Variants in RABGAP1L observed in about 807,000 individuals in gnomAD.
The protein encoded by RABGAP1L is RAB GTPase activating protein 1 like.
Under a neutral mutation model 137.7 loss-of-function variants are expected in RABGAP1L, and 63 were observed. The ratio of observed to expected loss-of-function variants is 0.46; its 90% CI spans 0.37 to 0.56. The LOEUF is 0.56. Among genes scored for constraint, RABGAP1L ranks in the 20% least tolerant of loss-of-function variants. The pLI, the probability that RABGAP1L is intolerant of heterozygous loss-of-function variation, is 0.00. For synonymous variants in RABGAP1L, 431 were observed against 433.7 expected, an observed-to-expected ratio of 0.99 and a Z score of 0.08; for missense variants, 1,095 against 1,244.0, an observed-to-expected ratio of 0.88 and a Z score of 1.80.
At chr1:174,836,530 T>C (rs931283912) in intron 19 of RABGAP1L, among the ~76,000 whole-genome samples, 1 of 152,216 alleles carries the variant, frequency 6.6e-6, no homozygotes, top group African/African-American at 2.4e-5. Flanking sequence ...TAAATCAAAG[T>C]TGAGAAATAT....
chr1:174,514,539 G>C (rs1441021365), intron 13 of RABGAP1L, among the ~76,000 whole-genome samples: 6 of 152,102 alleles, frequency 3.9e-5, no homozygotes, highest in African/African-American at 1.4e-4. Flanking sequence ...TTGTTTAAAC[G>C]TTGCACTGCC....
chr1:174,383,798 C>T (rs550355140), intron 12 of RABGAP1L, among the ~76,000 whole-genome samples: 5 of 152,086 alleles, frequency 3.3e-5, no homozygotes, highest in Non-Finnish European at 7.4e-5. Flanking sequence ...TCCTATTCGG[C>T]CATCTTGGCT....
intron 5 of RABGAP1L, among the ~76,000 whole-genome samples, chr1:174,248,267 G>C (rs1039237860): frequency 6.6e-6 from 1 of 152,184 alleles, no homozygotes; most frequent in African/African-American, 2.4e-5. Context: ...AGTACAGGCT[G>C]TATGTTCTCT....
intron 13 of RABGAP1L, among the ~76,000 whole-genome samples, chr1:174,441,877 C>T (rs1324733270): frequency 6.7e-6 from 1 of 149,054 alleles, no homozygotes; most frequent in East Asian, 2.0e-4. Context: ...AAGAGGGAGG[C>T]TTAGTGGGTC....
intron 19 of RABGAP1L, among the ~76,000 whole-genome samples, chr1:174,833,414 G>GTGTGTATATATATA (rs1553259947): frequency 3.1e-5 from 3 of 97,190 alleles, no homozygotes; most frequent in East Asian, 2.5e-4. Flanking sequence ...GTGTGTATGT[G>GTGTGTATATATATA]TGTGTGTGTA....
At chr1:174,577,085 G>C (rs1668421207) in intron 13 of RABGAP1L, among the ~76,000 whole-genome samples, 1 of 151,956 alleles carries the variant, frequency 6.6e-6, no homozygotes, top group Admixed American at 6.6e-5. Flanking sequence ...TTAGAAGTCT[G>C]AGGTAAGGAG....
intron 19 of RABGAP1L, among the ~76,000 whole-genome samples, chr1:174,862,770 G>T (rs2149026995): frequency 6.6e-6 from 1 of 151,744 alleles, no homozygotes; most frequent in East Asian, 1.9e-4. Context: ...AATAGACCTA[G>T]GTATCTAGTA....
intron 14 of RABGAP1L, among the ~76,000 whole-genome samples, chr1:174,668,684 C>T (rs974774079): frequency 6.6e-6 from 1 of 152,102 alleles, no homozygotes; most frequent in Non-Finnish European, 1.5e-5. Context: ...GAGGAACATT[C>T]ATACTGTTTT....
intron 11 of RABGAP1L, among the ~76,000 whole-genome samples, chr1:174,337,456 A>C (rs1484704273): frequency 6.6e-6 from 1 of 152,190 alleles, no homozygotes; most frequent in African/African-American, 2.4e-5. Flanking sequence ...GACTGAAAGC[A>C]GGCCATGAAG....
At chr1:174,673,673 A>G (rs977950637) in intron 14 of RABGAP1L, among the ~76,000 whole-genome samples, 1 of 152,162 alleles carries the variant, frequency 6.6e-6, no homozygotes, top group Non-Finnish European at 1.5e-5. Flanking sequence ...CCAGAGATAC[A>G]TGGTTATACT....
intron 13 of RABGAP1L, among the ~76,000 whole-genome samples, chr1:174,530,128 T>C (rs937067846): frequency 6.9e-6 from 1 of 145,022 alleles, no homozygotes; most frequent in Non-Finnish European, 1.5e-5. Context: ...CGGGACTGCC[T>C]TCAGTGGCAG....
At chr1:174,185,628 CTGAGTAT>C (rs1354638816) in intron 1 of RABGAP1L, among the ~76,000 whole-genome samples, 1 of 152,070 alleles carries the variant, frequency 6.6e-6, no homozygotes, top group East Asian at 1.9e-4. Context: ...TTATAATGGG[CTGAGTAT>C]ATTTTGGATA....
At chr1:174,339,212 T>C (rs1681747353) in intron 11 of RABGAP1L, among the ~76,000 whole-genome samples, 1 of 152,132 alleles carries the variant, frequency 6.6e-6, no homozygotes, top group Non-Finnish European at 1.5e-5. Context: ...AAATTAAAGT[T>C]TTTTTTTGCA....
chr1:174,946,960 GT>G (rs1666955396), intron 19 of RABGAP1L, among the ~76,000 whole-genome samples: 1 of 123,820 alleles, frequency 8.1e-6, no homozygotes, highest in Non-Finnish European at 1.7e-5. Context: ...GTGTGTGTGT[GT>G]GTGTGTGTGT....
At chr1:174,241,411 AACCT>A in intron 4 of RABGAP1L, 68 bp from the exon 5 acceptor site, 1 of 1,062,168 alleles carries the variant, frequency 9.4e-7, no homozygotes, top group South Asian at 2.5e-5. Flanking sequence ...TAAAAAAAAA[AACCT>A]AACTGGAAAT....
At chr1:174,596,854 G>T (rs560178634) in intron 13 of RABGAP1L, among the ~76,000 whole-genome samples, 1 of 151,904 alleles carries the variant, frequency 6.6e-6, no homozygotes, top group African/African-American at 2.4e-5. Context: ...TTTTCTATAT[G>T]GCTTTTATTG....
intron 14 of RABGAP1L, among the ~76,000 whole-genome samples, chr1:174,654,422 T>G (rs917168774): frequency 9.2e-5 from 14 of 152,218 alleles, no homozygotes; most frequent in Non-Finnish European, 4.4e-5. Flanking sequence ...ACTTACTTCT[T>G]CTGTGAAGTA....
At chr1:174,722,113 G>T (rs1396418835) in intron 17 of RABGAP1L, among the ~76,000 whole-genome samples, 2 of 152,068 alleles carry the variant, frequency 1.3e-5, no homozygotes, top group African/African-American at 2.4e-5. Flanking sequence ...TGTATTTTTA[G>T]TAGAGATGGG....
At chr1:174,438,357 A>G (rs1653677090) in intron 13 of RABGAP1L, among the ~76,000 whole-genome samples, 2 of 152,166 alleles carry the variant, frequency 1.3e-5, no homozygotes, top group South Asian at 2.1e-4. Context: ...TTGAATTGCA[A>G]TAGCAATGAA....
Sources: gnomAD v4.1 joint callset for allele counts (sites outside exome capture counted in the v4.1 genomes callset) on GRCh38, gnomAD v4.1.1 for gene constraint, MANE v1.5 for transcripts, NCBI Gene and HGNC (gene_info 2026-07-23, HGNC 2026-07-21) for gene names.